IL23R: variants seen among roughly 807,000 people sequenced by gnomAD.
IL23R encodes interleukin-23 receptor.
IL23R carries 34 observed loss-of-function variants against 56.9 expected under a neutral mutation model. The ratio of observed to expected loss-of-function variants is 0.60; its 90% CI spans 0.45 to 0.80. The LOEUF (loss-of-function observed/expected upper bound fraction) is 0.80. Ranked by LOEUF, IL23R falls within the 30% of genes least tolerant of loss-of-function variation. The pLI, the probability that IL23R is intolerant of heterozygous loss-of-function variation, is 0.00. For synonymous variants in IL23R, 230 were observed against 249.2 expected, an observed-to-expected ratio of 0.92 and a Z score of 0.73; for missense variants, 635 against 730.0, an observed-to-expected ratio of 0.87 and a Z score of 1.50.
At chr1:67,243,266 T>C (rs1483933329) in intron 9 of IL23R, among the ~76,000 whole-genome samples, 1 of 152,146 alleles carries the variant, frequency 6.6e-6, no homozygotes, top group Non-Finnish European at 1.5e-5. Flanking sequence ...ATTCAAATTG[T>C]ATATCTAAAC....
Position 67,199,345 on chromosome 1 carries a change from C to T in IL23R, c.492-1392C>T, listed in dbSNP as rs61780313. 9.0e-3 allele frequency among the ~76,000 whole-genome samples: 1,363 copies of T among 152,214 alleles called. 8 individuals carry two copies. Among genetic ancestry groups the T allele is most frequent in the South Asian group, 0.019 (90 of 4,822 alleles). On this transcript the variant is annotated intron_variant, in intron 4 of 10. Transcript: ENST00000347310. ...GGTTGGCCTTCCCCCTACCCCATTG[C>T]GATCTCTCACCCCATCCTGACTCCT...
At chr1:67,185,363 C>T (rs1485700863) in intron 4 of IL23R, among the ~76,000 whole-genome samples, 1 of 152,084 alleles carries the variant, frequency 6.6e-6, no homozygotes, top group African/African-American at 2.4e-5. Flanking sequence ...CTACTCAGTT[C>T]TCATCATTAT....
At chr1:67,200,598 T>C (rs1648554848) in intron 4 of IL23R, 139 bp from the exon 5 acceptor site, 2 of 698,618 alleles carry the variant, frequency 2.9e-6, no homozygotes, top group Admixed American at 2.3e-5. Context: ...TTGGCCAGGC[T>C]GGTCTCGAAC....
At position 67,169,397 on chromosome 1, in the gene IL23R, T is replaced by C; in HGVS notation, c.126T>C (p.Phe42=). The C allele has an allele frequency of 6.2e-7, 1 of 1,613,562 alleles. No homozygotes were observed. The highest frequency in any genetic ancestry group is 8.5e-7 in the Non-Finnish European group (1 of 1,179,598). ...TCTGGGTAGAACCAGCCACAATTTT[T>C]AAGATGGGTATGAATATCTCTATAT... ...GHIWVEPATI[F]KMGMNISIYC... Residue 42 remains phenylalanine, a synonymous_variant, in exon 3 of 11, where the codon TTT becomes TTC. Transcript: ENST00000347310.
At chr1:67,237,497 A>G (rs1651561961) in intron 8 of IL23R, among the ~76,000 whole-genome samples, 1 of 152,218 alleles carries the variant, frequency 6.6e-6, no homozygotes, top group African/African-American at 2.4e-5. Context: ...ATAATGAGGA[A>G]ACTGAAACTT....
downstream of IL23R, among the ~76,000 whole-genome samples, chr1:67,262,333 G>C (rs929737674): frequency 4.6e-5 from 7 of 152,030 alleles, no homozygotes; most frequent in African/African-American, 7.2e-5. Flanking sequence ...GAGGTAGGGG[G>C]TGGAGAGAGG....
At chr1:67,210,966 T>A (rs1387326084) in intron 6 of IL23R, among the ~76,000 whole-genome samples, 2 of 152,216 alleles carry the variant, frequency 1.3e-5, no homozygotes, top group Non-Finnish European at 2.9e-5. Flanking sequence ...GAGTAATATA[T>A]CTTAAAAGTA....
intron 1 of IL23R, 36 bp from the exon 2 acceptor site, chr1:67,168,056 A>G (rs1646894719): frequency 8.8e-6 from 10 of 1,132,186 alleles, no homozygotes; most frequent in Non-Finnish European, 1.2e-5. Context: ...TTACTAAAAT[A>G]CTACAATTTA....
At chr1:67,161,762 G>A (rs1166844873), upstream of IL23R, among the ~76,000 whole-genome samples, 1 of 151,822 alleles carries the variant, frequency 6.6e-6, no homozygotes, top group East Asian at 1.9e-4. Flanking sequence ...TAAGTAGCTG[G>A]GATTACAGAC....
At chr1:67,208,795 G>A (rs962364091) in intron 6 of IL23R, among the ~76,000 whole-genome samples, 3 of 152,182 alleles carry the variant, frequency 2.0e-5, no homozygotes, top group African/African-American at 4.8e-5. Flanking sequence ...GCATTGCCTA[G>A]TGGAGCTGTG....
chr1:67,180,650 G>A (rs949806650), intron 3 of IL23R, among the ~76,000 whole-genome samples: 3 of 152,142 alleles, frequency 2.0e-5, no homozygotes, highest in African/African-American at 4.8e-5. Context: ...GTGTGAATTT[G>A]ATCCTGTCAT....
At position 67,246,451 on chromosome 1, in the gene IL23R, T is replaced by A. The variant is rs1278836150; in HGVS notation, c.1148+6170T>A. Reference sequence around the variant, plus strand: ...CCAGCTTTGTGATGTGGGCATTTAGTGCTATAAATTTCCTTCTACACACTG... The same window carrying A: ...CCAGCTTTGTGATGTGGGCATTTAGAGCTATAAATTTCCTTCTACACACTG... On this transcript the variant is annotated intron_variant, in intron 9 of 10. Coordinates refer to ENST00000347310, the MANE Select transcript of IL23R (RefSeq NM_144701.3). Among the ~76,000 whole-genome samples, 3 of 152,234 alleles carry A rather than the reference T, an allele frequency of 2.0e-5. No homozygotes were observed. The East Asian group carries it at 5.8e-4, about 29-fold the overall frequency.
intron 7 of IL23R, among the ~76,000 whole-genome samples, chr1:67,231,058 T>C (rs923297990): frequency 6.6e-6 from 1 of 152,152 alleles, no homozygotes; most frequent in Non-Finnish European, 1.5e-5. Context: ...ACATCCTTTG[T>C]CTCCTTTAAT....
At chr1:67,178,134 G>T (rs1647036598) in intron 3 of IL23R, among the ~76,000 whole-genome samples, 1 of 152,152 alleles carries the variant, frequency 6.6e-6, no homozygotes, top group Non-Finnish European at 1.5e-5. Context: ...CTTTAAACTA[G>T]TTTTTTCCAA....
chr1:67,261,910 G>C (rs947306212), downstream of IL23R, among the ~76,000 whole-genome samples: 1 of 152,148 alleles, frequency 6.6e-6, no homozygotes, highest in African/African-American at 2.4e-5. Context: ...TTCTCATTCT[G>C]TGGTGTCTTA....
chr1:67,229,262 C>A (rs1410720863), intron 7 of IL23R, among the ~76,000 whole-genome samples: 2 of 152,128 alleles, frequency 1.3e-5, no homozygotes, highest in Non-Finnish European at 2.9e-5. Context: ...GGATGCCCCA[C>A]AGAACTTGGG....
chr1:67,212,670 C>T (rs1649564720), intron 6 of IL23R, among the ~76,000 whole-genome samples: 1 of 151,878 alleles, frequency 6.6e-6, no homozygotes, highest in African/African-American at 2.4e-5. Context: ...CTCAGTCTCC[C>T]AAGTAGCTGA....
intron 5 of IL23R, among the ~76,000 whole-genome samples, chr1:67,203,173 A>G (rs1193962421): frequency 1.3e-5 from 2 of 152,194 alleles, no homozygotes; most frequent in Admixed American, 6.6e-5. Flanking sequence ...CAATTTATTT[A>G]GCACCTTCTG....
intron 7 of IL23R, among the ~76,000 whole-genome samples, chr1:67,230,241 G>A (rs1021976604): frequency 2.0e-5 from 3 of 152,208 alleles, no homozygotes; most frequent in Non-Finnish European, 2.9e-5. Context: ...GGTTGGTGAG[G>A]TTTAGGCCAT....
Sources: allele counts gnomAD v4.1 joint callset (sites outside exome capture counted in the v4.1 genomes callset), GRCh38; gene constraint gnomAD v4.1.1; transcripts MANE v1.5; gene names NCBI Gene and HGNC (gene_info 2026-07-23, HGNC 2026-07-21).